Variants in INPP5J observed in about 807,000 individuals in gnomAD.
The protein encoded by INPP5J is phosphatidylinositol 4,5-bisphosphate 5-phosphatase A.
A neutral mutation model predicts 86.6 loss-of-function variants in INPP5J; 75 were observed. That is an observed-to-expected ratio of 0.87 (90% confidence interval 0.72 to 1.05). The LOEUF is 1.05. Among genes scored for constraint, INPP5J ranks in the 50% least tolerant of loss-of-function variants. The pLI is 0.00. For synonymous variants in INPP5J, 540 were observed against 550.0 expected, an observed-to-expected ratio of 0.98 and a Z score of 0.25; for missense variants, 1,229 against 1,341.2, an observed-to-expected ratio of 0.92 and a Z score of 1.31.
rs2147889314 is a variant in INPP5J at position 31,134,234 on chromosome 22, G to T, written c.2836G>T (p.Gly946Cys). The T allele has an allele frequency of 6.5e-7, 1 of 1,549,886 alleles. No homozygotes were observed. Among genetic ancestry groups the T allele is most frequent in the African/African-American group, 1.4e-5 (1 of 73,186 alleles). Residue 946 changes from glycine (G) to cysteine (C), a missense_variant, in exon 13 of 13, where the codon GGC (glycine) becomes TGC (cysteine). Gly to Cys is a radical substitution (Grantham distance 159). Transcript: ENST00000331075. ...SSEEGPSGLPGPWAFPPAVPR... is the reference protein window; with the variant it reads ...SSEEGPSGLPCPWAFPPAVPR... Reference sequence around the variant, plus strand: ...TGAAGAGGGGCCCTCTGGGTTGCCTGGCCCCTGGGCCTTCCCACCAGCTGT... The same window carrying T: ...TGAAGAGGGGCCCTCTGGGTTGCCTTGCCCCTGGGCCTTCCCACCAGCTGT...
intron 1 of INPP5J, among the ~76,000 whole-genome samples, chr22:31,123,593 G>C (rs1004239585): frequency 9.9e-5 from 15 of 152,196 alleles, no homozygotes; most frequent in African/African-American, 3.6e-4. Flanking sequence ...CTGAGTTTGA[G>C]AAGGGAGGTG....
chr22:31,133,530 G>A, intron 11 of INPP5J, 47 bp downstream of exon 11: 3 of 1,600,008 alleles, frequency 1.9e-6, no homozygotes, highest in Non-Finnish European at 1.7e-6. Flanking sequence ...TGTTGCCTTT[G>A]GGACCTCAGA....
intron 9 of INPP5J, among the ~76,000 whole-genome samples, chr22:31,129,448 C>T (rs751652107): frequency 2.0e-5 from 3 of 150,904 alleles, no homozygotes; most frequent in Non-Finnish European, 4.4e-5. Context: ...CCGTGTTGGC[C>T]AGGCTGGTCT....
intron 9 of INPP5J, among the ~76,000 whole-genome samples, 193 bp from the exon 10 acceptor site, chr22:31,132,905 G>A (rs1475043670): frequency 6.6e-6 from 1 of 152,224 alleles, no homozygotes; most frequent in East Asian, 1.9e-4. Flanking sequence ...GAGGCTGTGG[G>A]CAGAAGGAAC....
Position 31,128,068 on chromosome 22 carries a change from G to T in INPP5J, c.1899+6G>T. ...AGCTCTGGGAGAAGGACCAGGTGGG[G>T]TCCTTGTCCCCAGAAGCACACAGAG... On this transcript the variant is annotated splice_donor_region_variant and intron_variant, in intron 7 of 12. Coordinates refer to ENST00000331075, the MANE Select transcript of INPP5J (RefSeq NM_001284285.2). The T allele has an allele frequency of 1.3e-6, 2 of 1,599,654 alleles. No individual in the cohort carries two copies. The highest frequency in any genetic ancestry group is 1.1e-5 in the South Asian group (1 of 90,766).
chr22:31,126,207 C>G, intron 2 of INPP5J, 169 bp from the exon 3 acceptor site: 1 of 788,454 alleles, frequency 1.3e-6, no homozygotes, highest in Non-Finnish European at 2.0e-6. Context: ...CAGTTGATCT[C>G]CCCAGGGAGA....
Position 31,134,070 on chromosome 22 carries a change from T to A in INPP5J, c.2672T>A (p.Leu891Gln). ...SKRHRSRSPG[L>Q]ARFPGLALRP... ...CGACACCGCAGCCGCAGCCCGGGAC[T>A]GGCCAGGTTCCCTGGGCTTGCCCTA... The change falls in exon 13 of 13, where the codon CTG (leucine) becomes CAG (glutamine). Residue 891 changes from leucine to glutamine, a missense_variant. By Grantham distance (113) the Leu-to-Gln change is moderately radical (BLOSUM62 -2). Transcript: ENST00000331075. 1 of 1,572,496 alleles carries A rather than the reference T, an allele frequency of 6.4e-7. No homozygotes were observed.
In INPP5J at chr22:31,134,608, A is replaced by G. The variant is rs545889249; in HGVS notation, c.*189A>G. 2.6e-3 allele frequency: 1,262 copies of G among 484,926 alleles called. 1 individual carries two copies. The highest frequency in any genetic ancestry group is 3.7e-3 in the Non-Finnish European group (1,068 of 289,684). 30.0% of individuals were successfully genotyped at this position (484,926 alleles called of 1,614,324 possible). On this transcript the variant is annotated 3_prime_UTR_variant, in exon 13 of 13. Coordinates refer to ENST00000331075, the MANE Select transcript of INPP5J (RefSeq NM_001284285.2). ...CAACTGTGACAATCAGCAAAGCCCCACCCAGGCCCCCATCTGGGATGATGG... is the reference window on the plus strand; with the variant it reads ...CAACTGTGACAATCAGCAAAGCCCCGCCCAGGCCCCCATCTGGGATGATGG...
chr22:31,124,910 G>T lies in INPP5J; in HGVS notation c.171G>T (p.Leu57Phe), dbSNP rs1289427611. ...CCCTAGGACCCTCGGAACCAAGGTTGGCTCTGGCACCTGTAGGGCCACGGG... is the reference window on the plus strand; with the variant it reads ...CCCTAGGACCCTCGGAACCAAGGTTTGCTCTGGCACCTGTAGGGCCACGGG... ...NAALGPSEPR[L>F]ALAPVGPRAA... Residue 57 changes from leucine (L) to phenylalanine (F), a missense_variant, in exon 2 of 13, where the codon TTG becomes TTT. Coordinates refer to ENST00000331075, the MANE Select transcript of INPP5J (RefSeq NM_001284285.2). 2.5e-6 allele frequency: 4 copies of T among 1,613,896 alleles called. No homozygotes were observed. Among genetic ancestry groups the T allele is most frequent in the Non-Finnish European group, 3.4e-6 (4 of 1,179,852 alleles).
At position 31,133,214 on chromosome 22, in the gene INPP5J, G is replaced by C. The variant is rs941489566; in HGVS notation, c.2310G>C (p.Trp770Cys). The change falls in exon 10 of 13, where the codon TGG becomes TGC. Residue 770 changes from tryptophan (W) to cysteine (C), a missense_variant. Physicochemically the swap from Trp to Cys is radical, Grantham distance 215 (BLOSUM62 -2). Coordinates refer to ENST00000331075, the MANE Select transcript of INPP5J (RefSeq NM_001284285.2). ...RMETVFARSSWDWIGLYRVGF... is the reference protein window; with the variant it reads ...RMETVFARSSCDWIGLYRVGF... ...AAACAGTGTTCGCCCGCAGCTCCTGGGACTGGATCGGCTTATACCGGGTGA... is the reference window on the plus strand; with the variant it reads ...AAACAGTGTTCGCCCGCAGCTCCTGCGACTGGATCGGCTTATACCGGGTGA... 1.9e-6 allele frequency: 3 copies of C among 1,606,526 alleles called. No homozygotes were observed. The African/African-American group carries it at 4.0e-5, about 21-fold the overall frequency.
Position 31,133,959 on chromosome 22 carries a change from C to G in INPP5J, c.2561C>G (p.Ser854Ter). ...SELASSSTDS[S>*]GTSSEGEDDS... ...TTGGCCAGCAGCAGCACAGACAGCT[C>G]AGGCACCAGCTCAGAGGGAGAGGAT... The change falls in exon 13 of 13, where the codon TCA becomes TGA. Residue 854 changes from serine (S) to a stop codon, truncating the protein, a stop_gained. Coordinates refer to ENST00000331075, the MANE Select transcript of INPP5J (RefSeq NM_001284285.2). LOFTEE classifies it high-confidence loss of function. 1 of 1,613,366 alleles carries G rather than the reference C, an allele frequency of 6.2e-7. No individual in the cohort carries two copies. Among genetic ancestry groups the G allele is most frequent in the Non-Finnish European group, 8.5e-7 (1 of 1,179,862 alleles).
chr22:31,127,271 C>A, intron 5 of INPP5J, 86 bp from the exon 6 acceptor site: 1 of 1,294,830 alleles, frequency 7.7e-7, no homozygotes, highest in Non-Finnish European at 1.1e-6. Context: ...CACCTTCCAC[C>A]CACATCTCCT....
chr22:31,128,418 G>A (rs1047648102), intron 8 of INPP5J, 53 bp from the exon 9 acceptor site: 2 of 1,595,790 alleles, frequency 1.3e-6, no homozygotes, highest in African/African-American at 1.3e-5. Context: ...AAGGTGGAGG[G>A]TTACATCTTG....
At chr22:31,124,213 C>T in intron 1 of INPP5J, 2 of 971,274 alleles carry the variant, frequency 2.1e-6, no homozygotes, top group Non-Finnish European at 2.4e-6. Flanking sequence ...TGAATCTACA[C>T]AGCCAGTCTC....
chr22:31,133,910 C>T lies in INPP5J; in HGVS notation c.2515-3C>T. ...GCGCCCCAGTGACCAGCATTTCCCC[C>T]AGATCTCGCTGCCTTCCTCGGAGTT... On this transcript the variant is annotated splice_polypyrimidine_tract_variant and splice_region_variant and intron_variant, in intron 12 of 12. Coordinates refer to ENST00000331075, the MANE Select transcript of INPP5J (RefSeq NM_001284285.2). 6.2e-7 allele frequency: 1 copy of T among 1,609,486 alleles called. No homozygotes were observed. Among genetic ancestry groups the T allele is most frequent in the South Asian group, 1.1e-5 (1 of 90,886 alleles).
At position 31,133,687 on chromosome 22, in the gene INPP5J, C is replaced by A; in HGVS notation, c.2487C>A (p.Ile829=). ...GCTACTATAGTCACAACCACAGCATCCTCATCGGCATCACTGAACCCTTCC... is the reference window on the plus strand; with the variant it reads ...GCTACTATAGTCACAACCACAGCATACTCATCGGCATCACTGAACCCTTCC... ...ILGYYSHNHS[I]LIGITEPFQI... The change falls in exon 12 of 13, where the codon ATC becomes ATA. Residue 829 remains isoleucine (I), a synonymous_variant. Transcript: ENST00000331075. 6.2e-7 allele frequency: 1 copy of A among 1,613,202 alleles called. No individual in the cohort carries two copies.
In INPP5J at chr22:31,125,635, G is replaced by C. The variant is rs543551339; in HGVS notation, c.896G>C (p.Arg299Pro). ...HSSPEDPVLPRPPQTLPLDVG... is the reference protein window; with the variant it reads ...HSSPEDPVLPPPPQTLPLDVG... ...AGCCCTGAGGATCCTGTTTTGCCAC[G>C]GCCACCCCAGACCTTGCCCTTGGAT... Residue 299 changes from arginine to proline, a missense_variant, in exon 2 of 13, where the codon CGG becomes CCG. By Grantham distance (103) the Arg-to-Pro change is moderately radical. Coordinates refer to ENST00000331075, the MANE Select transcript of INPP5J (RefSeq NM_001284285.2). 6.5e-7 allele frequency: 1 copy of C among 1,550,198 alleles called. No homozygotes were observed. Among genetic ancestry groups the C allele is most frequent in the Non-Finnish European group, 8.7e-7 (1 of 1,146,914 alleles).
chr22:31,133,665 A>C lies in INPP5J; in HGVS notation c.2465A>C (p.Tyr822Ser), dbSNP rs1174657554. Reference protein sequence around the residue: ...PKGHGDFILGYYSHNHSILIG... With the variant: ...PKGHGDFILGSYSHNHSILIG... ...GGCCATGGAGACTTCATCCTGGGCT[A>C]CTATAGTCACAACCACAGCATCCTC... Residue 822 changes from tyrosine (Y) to serine (S), a missense_variant, in exon 12 of 13, where the codon TAC (tyrosine) becomes TCC (serine). Physicochemically the swap from Tyr to Ser is moderately radical, Grantham distance 144. Coordinates refer to ENST00000331075, the MANE Select transcript of INPP5J (RefSeq NM_001284285.2). 6.2e-7 allele frequency: 1 copy of C among 1,613,254 alleles called. No homozygotes were observed. The highest frequency in any genetic ancestry group is 1.7e-5 in the Admixed American group (1 of 59,918).
chr22:31,123,064 GC>G lies in INPP5J; in HGVS notation c.52del (p.Leu18TrpfsTer33). The part of the protein sequence containing the change: ...RGSRRPGTRA[G>X]LGSLPMPQGV... ...AGCAGGAGGCCAGGGACCCGGGCTG[GC>G]CTGGGTTCCCTGCCCATGCCCCAGG... On this transcript the variant is annotated frameshift_variant, in exon 1 of 13. Coordinates refer to ENST00000331075, the MANE Select transcript of INPP5J (RefSeq NM_001284285.2). LOFTEE classifies it high-confidence loss of function. The G allele has an allele frequency of 6.7e-7, 1 of 1,484,470 alleles. No homozygotes were observed. The highest frequency in any genetic ancestry group is 8.9e-7 in the Non-Finnish European group (1 of 1,120,500). 92.0% of individuals were successfully genotyped at this position (1,484,470 alleles called of 1,614,324 possible).
Sources: gnomAD v4.1 joint callset for allele counts (sites outside exome capture counted in the v4.1 genomes callset) on GRCh38, gnomAD v4.1.1 for gene constraint, MANE v1.5 for transcripts, NCBI Gene and HGNC (gene_info 2026-07-23, HGNC 2026-07-21) for gene names.